RGS6: variants seen among roughly 807,000 people sequenced by gnomAD.
The protein encoded by RGS6 is regulator of G-protein signaling 6.
A neutral mutation model predicts 78.5 loss-of-function variants in RGS6; 30 were observed. The ratio of observed to expected loss-of-function variants is 0.38; its 90% CI spans 0.29 to 0.52. The LOEUF (loss-of-function observed/expected upper bound fraction) is 0.52. RGS6 is among the 20% of genes least tolerant of loss of function. The pLI, the probability that RGS6 is intolerant of heterozygous loss-of-function variation, is 0.85. For synonymous variants in RGS6, 206 were observed against 206.0 expected, an observed-to-expected ratio of 1.00 and a Z score of 0.00; for missense variants, 495 against 609.7, an observed-to-expected ratio of 0.81 and a Z score of 1.98.
At chr14:72,458,526 G>A (rs1359065465) in intron 5 of RGS6, 149 bp downstream of exon 5, 5 of 627,788 alleles carry the variant, frequency 8.0e-6, no homozygotes, top group Non-Finnish European at 1.4e-5. Flanking sequence ...ACTTTTCTCT[G>A]GGCCACTGGG....
intron 2 of RGS6, among the ~76,000 whole-genome samples, chr14:72,326,449 C>G (rs1278251353): frequency 6.6e-6 from 1 of 152,062 alleles, no homozygotes; most frequent in Admixed American, 6.5e-5. Context: ...GGGCAGACCC[C>G]TTATGTCTTG....
intron 2 of RGS6, among the ~76,000 whole-genome samples, chr14:72,010,829 A>G (rs1223518756): frequency 6.6e-6 from 1 of 152,168 alleles, no homozygotes; most frequent in Non-Finnish European, 1.5e-5. Flanking sequence ...TGTTAACTAG[A>G]TATTTTTTTC....
At position 72,416,073 on chromosome 14, in the gene RGS6, G is replaced by A. The variant is rs146517048; in HGVS notation, c.185-38455G>A. Among the ~76,000 whole-genome samples, 776 of 151,694 alleles carry A rather than the reference G, an allele frequency of 5.1e-3. 8 individuals carry two copies. The highest frequency in any genetic ancestry group is 0.017 in the African/African-American group (688 of 41,332). On this transcript the variant is annotated intron_variant, in intron 3 of 17. Transcript: ENST00000553525. ...TGAGGCAAGAGAATTGCTTGAACCCGGGAGGCGGAGGTTGCAGTGAGCCAA... is the reference window on the plus strand; with the variant it reads ...TGAGGCAAGAGAATTGCTTGAACCCAGGAGGCGGAGGTTGCAGTGAGCCAA...
At chr14:72,470,386 T>C (rs1224272115) in intron 8 of RGS6, among the ~76,000 whole-genome samples, 6 of 152,250 alleles carry the variant, frequency 3.9e-5, no homozygotes, top group Non-Finnish European at 8.8e-5. Flanking sequence ...TTTTCTGTGT[T>C]CAAAGGCTGA....
chr14:72,286,522 A>ATT (rs34090238), intron 2 of RGS6, among the ~76,000 whole-genome samples: 31 of 149,410 alleles, frequency 2.1e-4, no homozygotes, highest in East Asian at 5.9e-4. Flanking sequence ...GAATTTTAGT[A>ATT]TTTTTTTTTT....
At chr14:72,021,381 T>A (rs1312100202) in intron 2 of RGS6, among the ~76,000 whole-genome samples, 1 of 152,046 alleles carries the variant, frequency 6.6e-6, no homozygotes, top group African/African-American at 2.4e-5. Context: ...ATCATTTGAG[T>A]GCTTACTCCA....
At chr14:72,406,230 A>G (rs2092916493) in intron 3 of RGS6, among the ~76,000 whole-genome samples, 1 of 152,098 alleles carries the variant, frequency 6.6e-6, no homozygotes, top group Admixed American at 6.5e-5. Context: ...CTAAAAATAC[A>G]AAAATCAGCC....
At chr14:72,469,565 C>T (rs1371056575) in intron 7 of RGS6, 1 of 153,772 alleles carries the variant, frequency 6.5e-6, no homozygotes, top group East Asian at 1.9e-4. Context: ...CTTTGGTTTT[C>T]CTTTCCTGTG....
chr14:72,015,054 G>A (rs184185550), intron 2 of RGS6, among the ~76,000 whole-genome samples: 179 of 152,268 alleles, frequency 1.2e-3, no homozygotes, highest in Non-Finnish European at 1.3e-4. Flanking sequence ...AGGAATACCC[G>A]AGACTGGGTA....
At chr14:72,547,230 T>C in intron 17 of RGS6, 1 of 1,535,580 alleles carries the variant, frequency 6.5e-7, no homozygotes. Flanking sequence ...GAGCATCCAA[T>C]GGCAGGAGTC....
chr14:72,088,778 C>T (rs1163006545), intron 2 of RGS6, among the ~76,000 whole-genome samples: 1 of 152,044 alleles, frequency 6.6e-6, no homozygotes, highest in African/African-American at 2.4e-5. Flanking sequence ...TGCCTATGTT[C>T]CCCTCCTCAT....
chr14:72,312,685 G>A (rs183953167), intron 2 of RGS6, among the ~76,000 whole-genome samples: 9 of 152,270 alleles, frequency 5.9e-5, no homozygotes, highest in African/African-American at 1.4e-4. Context: ...CTCATGCGTC[G>A]ACAGGAGTAA....
chr14:71,890,594 A>T, the RGS6 span, among the ~76,000 whole-genome samples: 1 of 152,206 alleles, frequency 6.6e-6, no homozygotes, highest in East Asian at 1.9e-4. Flanking sequence ...TCCTCAGCAC[A>T]GTTAATTCTA....
chr14:72,085,605 G>A (rs1271123823), intron 2 of RGS6, among the ~76,000 whole-genome samples: 1 of 152,176 alleles, frequency 6.6e-6, no homozygotes, highest in African/African-American at 2.4e-5. Flanking sequence ...TGTAATCCCA[G>A]CACTTTGGGA....
intron 2 of RGS6, among the ~76,000 whole-genome samples, chr14:72,111,800 C>T (rs1435634766): frequency 2.0e-5 from 3 of 152,162 alleles, no homozygotes; most frequent in African/African-American, 7.2e-5. Context: ...CAAAAGGGAT[C>T]CTCAGAGGAG....
At chr14:72,084,725 G>A (rs1162410005) in intron 2 of RGS6, among the ~76,000 whole-genome samples, 1 of 150,392 alleles carries the variant, frequency 6.6e-6, no homozygotes, top group Non-Finnish European at 1.5e-5. Context: ...TCTGGTCAAA[G>A]CTCATTCATT....
At chr14:72,359,310 G>T (rs1461303589) in intron 3 of RGS6, among the ~76,000 whole-genome samples, 1 of 152,024 alleles carries the variant, frequency 6.6e-6, no homozygotes, top group African/African-American at 2.4e-5. Context: ...ACACTTTTTG[G>T]CTTCAGCAAC....
the RGS6 span, among the ~76,000 whole-genome samples, chr14:71,898,272 C>T: frequency 0.038 from 4,630 of 121,902 alleles, 95 homozygotes; most frequent in Non-Finnish European, 0.058. Flanking sequence ...CTAACCTCTC[C>T]CTATCCCTGA....
intron 2 of RGS6, among the ~76,000 whole-genome samples, chr14:72,115,311 G>T (rs1026542775): frequency 3.9e-5 from 6 of 152,184 alleles, no homozygotes; most frequent in Non-Finnish European, 5.9e-5. Flanking sequence ...TCTCTCTGAT[G>T]CTGGGACCTG....
Sources: allele counts gnomAD v4.1 joint callset (sites outside exome capture counted in the v4.1 genomes callset), GRCh38; gene constraint gnomAD v4.1.1; transcripts MANE v1.5; gene names NCBI Gene and HGNC (gene_info 2026-07-23, HGNC 2026-07-21).